The following DOCK5 variants were observed in gnomAD, a reference collection of about 807,000 sequenced individuals.
The protein encoded by DOCK5 is dedicator of cytokinesis protein 5.
In DOCK5, 142 loss-of-function variants were observed where a neutral mutation model predicts 251.8. The ratio of observed to expected loss-of-function variants is 0.56; its 90% CI spans 0.49 to 0.65. DOCK5 has a LOEUF of 0.65. Among genes scored for constraint, DOCK5 ranks in the 30% least tolerant of loss-of-function variants. The pLI is 0.00. For missense variants in DOCK5, 2,111 were observed against 2,312.3 expected (o/e 0.91, Z 1.79); for synonymous variants, 842 against 835.5 (o/e 1.01, Z -0.13).
chr8:25,327,889 T>A (rs1190719814), intron 18 of DOCK5, among the ~76,000 whole-genome samples: 1 of 152,156 alleles, frequency 6.6e-6, no homozygotes, highest in African/African-American at 2.4e-5. Context: ...TTAAGTGTTC[T>A]CACCACCAAA....
chr8:25,354,030 AAAAAAAAAAAAAAAAAAACAAAC>A (rs1379346168), intron 27 of DOCK5, among the ~76,000 whole-genome samples: 2 of 10,104 alleles, frequency 2.0e-4, no homozygotes, highest in African/African-American at 2.2e-4. Flanking sequence ...TTTGTCTTAA[AAAAAAAAAAAAAAAAAAACAAAC>A]AAAAAAAAAA....
chr8:25,334,078 A>G lies in DOCK5; in HGVS notation c.2092-18A>G, dbSNP rs773838141. 22 of 1,597,478 alleles carry G rather than the reference A, an allele frequency of 1.4e-5. 1 individual carries two copies. Among genetic ancestry groups the G allele is most frequent in the East Asian group, 4.5e-5 (2 of 44,788 alleles). ...GGGATTGTGCAGTGCTGCTATTTCT[A>G]TTTTTCACTTTTGGCAGGTATTTAT... is the stretch of plus-strand genomic sequence containing the variant. On this transcript the variant is annotated intron_variant, in intron 20 of 51. Coordinates refer to ENST00000276440, the MANE Select transcript of DOCK5 (RefSeq NM_024940.8).
chr8:25,319,564 C>T lies in DOCK5; in HGVS notation c.1444-14C>T. The T allele has an allele frequency of 6.4e-7, 1 of 1,551,638 alleles. No homozygotes were observed. The highest frequency in any genetic ancestry group is 8.7e-7 in the Non-Finnish European group (1 of 1,144,414). ...CAAAATTATTCCCTTCTAATTTTTT[C>T]CTTCCATCTGAAGAAAGCAATTCAC... On this transcript the variant is annotated splice_polypyrimidine_tract_variant and intron_variant, in intron 14 of 51. Coordinates refer to ENST00000276440, the MANE Select transcript of DOCK5 (RefSeq NM_024940.8).
intron 40 of DOCK5, among the ~76,000 whole-genome samples, chr8:25,386,259 G>A (rs1019037280): frequency 8.5e-5 from 13 of 152,080 alleles, no homozygotes; most frequent in Non-Finnish European, 1.9e-4. Flanking sequence ...TTGGGGATGA[G>A]GTGGACCAGG....
intron 48 of DOCK5, among the ~76,000 whole-genome samples, chr8:25,405,603 A>G (rs1304143038): frequency 1.3e-5 from 2 of 152,106 alleles, no homozygotes; most frequent in African/African-American, 4.8e-5. Flanking sequence ...CCTTTTCAGA[A>G]TTTAATCTGG....
intron 6 of DOCK5, among the ~76,000 whole-genome samples, chr8:25,292,637 C>G (rs1014828582): frequency 2.6e-5 from 4 of 152,058 alleles, no homozygotes; most frequent in Non-Finnish European, 4.4e-5. Context: ...TGTCATCCCA[C>G]CTACTCGGGA....
intron 5 of DOCK5, among the ~76,000 whole-genome samples, chr8:25,281,314 G>A (rs1434555256): frequency 2.0e-5 from 3 of 151,900 alleles, no homozygotes; most frequent in African/African-American, 7.3e-5. Context: ...TGTAATCCCA[G>A]CTACTCGGGA....
At chr8:25,358,656 A>G (rs1464776380) in intron 27 of DOCK5, among the ~76,000 whole-genome samples, 1 of 152,230 alleles carries the variant, frequency 6.6e-6, no homozygotes, top group Non-Finnish European at 1.5e-5. Flanking sequence ...TGTCTCAACA[A>G]GAAACCCAAA....
At chr8:25,304,595 C>T in intron 11 of DOCK5, 1 of 376,380 alleles carries the variant, frequency 2.7e-6, no homozygotes, top group East Asian at 4.4e-5. Flanking sequence ...CTCTGGAATG[C>T]AGAGAGGGTG....
intron 26 of DOCK5, among the ~76,000 whole-genome samples, chr8:25,347,177 C>T (rs1170860671): frequency 6.6e-6 from 1 of 152,186 alleles, no homozygotes; most frequent in Non-Finnish European, 1.5e-5. Context: ...TCAGGGTCCA[C>T]CACCGTTTGA....
rs555117722 is a variant in DOCK5 at position 25,210,624 on chromosome 8, T to C, written c.43+25673T>C. Among the ~76,000 whole-genome samples, 8 of 69,800 alleles carry C rather than the reference T, an allele frequency of 1.1e-4. 3 individuals carry two copies. In the East Asian group the frequency reaches 2.6e-3, roughly 23 times the overall value. The allele number at this position is 69,800 out of a possible 152,430, so 45.8% of individuals were successfully genotyped here. On this transcript the variant is annotated intron_variant, in intron 1 of 51. Coordinates refer to ENST00000276440, the MANE Select transcript of DOCK5 (RefSeq NM_024940.8). ...CTGAAAAATACAAAAATTAGCCAAG[T>C]GTGGTGACACATGCCTGTAATCCCA... is the stretch of plus-strand genomic sequence containing the variant.
intron 11 of DOCK5, among the ~76,000 whole-genome samples, chr8:25,307,888 T>C (rs1804989737): frequency 6.6e-6 from 1 of 152,228 alleles, no homozygotes; most frequent in African/African-American, 2.4e-5. Context: ...TCAAAAACTT[T>C]ACAGTGTTTT....
At chr8:25,268,782 G>C in intron 2 of DOCK5, 63 bp from the exon 3 acceptor site, 1 of 1,393,986 alleles carries the variant, frequency 7.2e-7, no homozygotes. Context: ...AGTATATATT[G>C]CTAATAACTT....
At chr8:25,358,535 T>C (rs13264779) in intron 27 of DOCK5, among the ~76,000 whole-genome samples, 47,136 of 152,008 alleles carry the variant, frequency 0.31, 7,533 homozygotes, top group East Asian at 0.35. Context: ...CTCCTCTCCT[T>C]CATGCTCAGT....
intron 5 of DOCK5, among the ~76,000 whole-genome samples, chr8:25,285,875 C>T (rs1804318696): frequency 6.6e-6 from 1 of 152,116 alleles, no homozygotes; most frequent in African/African-American, 2.4e-5. Context: ...AACAAGAGAG[C>T]CAAGATGTGG....
chr8:25,252,726 T>G (rs1242353058), intron 2 of DOCK5, among the ~76,000 whole-genome samples: 1 of 152,130 alleles, frequency 6.6e-6, no homozygotes, highest in Non-Finnish European at 1.5e-5. Context: ...TTAAAAGGAG[T>G]GTCAGTGAAA....
At chr8:25,198,557 G>A (rs767437824) in intron 1 of DOCK5, among the ~76,000 whole-genome samples, 16 of 136,844 alleles carry the variant, frequency 1.2e-4, no homozygotes, top group Non-Finnish European at 2.4e-4. Context: ...GGGCAACAGA[G>A]CGAGACTCCA....
rs76555218 is a variant in DOCK5 at position 25,399,900 on chromosome 8, C to T, written c.4705-11C>T. The T allele has an allele frequency of 6.2e-6, 10 of 1,602,542 alleles. No homozygotes were observed. The East Asian group carries it at 2.0e-4, about 32-fold the overall frequency. ...GTGTTCTAATTAAAACTTGCATATG[C>T]TTTTTTTTAGGCTTTTTTTACAGAA... On this transcript the variant is annotated splice_polypyrimidine_tract_variant and intron_variant, in intron 45 of 51. Transcript: ENST00000276440.
intron 16 of DOCK5, among the ~76,000 whole-genome samples, chr8:25,321,713 C>T (rs552138401): frequency 9.9e-5 from 15 of 152,284 alleles, no homozygotes; most frequent in Admixed American, 8.5e-4. Flanking sequence ...CGCCGCTTAC[C>T]TCCTGCTGTG....
Sources: allele counts gnomAD v4.1 joint callset (sites outside exome capture counted in the v4.1 genomes callset), GRCh38; gene constraint gnomAD v4.1.1; transcripts MANE v1.5; gene names NCBI Gene and HGNC (gene_info 2026-07-23, HGNC 2026-07-21).